PDE6A: variants seen among roughly 807,000 people sequenced by gnomAD.
PDE6A encodes rod cGMP-specific 3',5'-cyclic phosphodiesterase subunit alpha.
PDE6A carries 84 observed loss-of-function variants against 106.3 expected under a neutral mutation model. The ratio of observed to expected loss-of-function variants is 0.79; its 90% CI spans 0.66 to 0.95. The LOEUF is 0.95. Among genes scored for constraint, PDE6A ranks in the 40% least tolerant of loss-of-function variants. The pLI, the probability that PDE6A is intolerant of heterozygous loss-of-function variation, is 0.00. For missense variants in PDE6A, 1,052 were observed against 1,084.9 expected, an observed-to-expected ratio of 0.97 and a Z score of 0.43; for synonymous variants, 394 against 386.6, an observed-to-expected ratio of 1.02 and a Z score of -0.23.
At chr5:149,876,938 G>C (rs781721048) in intron 17 of PDE6A, among the ~76,000 whole-genome samples, 1 of 146,078 alleles carries the variant, frequency 6.8e-6, no homozygotes, top group African/African-American at 2.7e-5. Flanking sequence ...TAGATACATA[G>C]ATAGATAGAT....
chr5:149,887,981 T>C (rs1752379213), intron 13 of PDE6A, among the ~76,000 whole-genome samples: 1 of 152,086 alleles, frequency 6.6e-6, no homozygotes, highest in African/African-American at 2.4e-5. Context: ...TGTGTGTGTG[T>C]GTGTGTGTCT....
chr5:149,901,849 T>A (rs1454365225), intron 8 of PDE6A, among the ~76,000 whole-genome samples: 1 of 152,242 alleles, frequency 6.6e-6, no homozygotes, highest in Non-Finnish European at 1.5e-5. Context: ...AAAAAAGTAA[T>A]TCTGACTTTT....
At chr5:149,893,032 T>C (rs1436107022) in intron 13 of PDE6A, among the ~76,000 whole-genome samples, 1 of 152,186 alleles carries the variant, frequency 6.6e-6, no homozygotes, top group African/African-American at 2.4e-5. Flanking sequence ...TCTTCCACTT[T>C]TATAAACTCT....
intron 1 of PDE6A, among the ~76,000 whole-genome samples, chr5:149,943,459 C>T (rs1754372622): frequency 6.6e-6 from 1 of 152,078 alleles, no homozygotes; most frequent in Admixed American, 6.6e-5. Context: ...CTTTCTTTCC[C>T]CCACAGTGCA....
rs1554091222 is a variant in PDE6A, at chr5:149,920,996, A to AAGAG, written c.933+638_933+639insCTCT. On this transcript the variant is annotated intron_variant, in intron 5 of 21. Coordinates refer to ENST00000255266, the MANE Select transcript of PDE6A (RefSeq NM_000440.3). ...AAAGAAAGAAAGAAAGAAAGAAAGA[A>AAGAG]AAAGAAAGAAAATAGAAAACCTACG... 8.6e-3 allele frequency among the ~76,000 whole-genome samples: 787 copies of AAGAG among 91,604 alleles called. 14 individuals are homozygous for AAGAG. Among genetic ancestry groups the AAGAG allele is most frequent in the African/African-American group, 0.024 (740 of 31,042 alleles). The allele number at this position is 91,604 out of a possible 152,430, so 60.1% of individuals were successfully genotyped here.
At chr5:149,922,434 C>A (rs1050232183) in intron 4 of PDE6A, among the ~76,000 whole-genome samples, 8 of 152,078 alleles carry the variant, frequency 5.3e-5, no homozygotes, top group Non-Finnish European at 1.0e-4. Context: ...GGCTCAGCCT[C>A]CCAAGTAGCT....
intron 6 of PDE6A, 92 bp downstream of exon 6, chr5:149,914,851 A>C (rs915803137): frequency 3.5e-6 from 3 of 846,502 alleles, no homozygotes; most frequent in African/African-American, 3.3e-5. Context: ...TTATGGAATG[A>C]AGTGTTGCCC....
At chr5:149,926,932 C>T (rs1189967156) in intron 4 of PDE6A, among the ~76,000 whole-genome samples, 3 of 142,566 alleles carry the variant, frequency 2.1e-5, no homozygotes, top group Non-Finnish European at 4.5e-5. Context: ...GAGCTGAGAT[C>T]GTGCCATTGC....
intron 6 of PDE6A, 111 bp from the exon 7 acceptor site, chr5:149,907,489 C>CT (rs778528229): frequency 2.2e-4 from 173 of 798,018 alleles, no homozygotes; most frequent in Non-Finnish European, 3.4e-4. Context: ...TCAGCACCTG[C>CT]TTACATTCAC....
chr5:149,925,157 G>A (rs1165998060), intron 4 of PDE6A, among the ~76,000 whole-genome samples: 1 of 152,020 alleles, frequency 6.6e-6, no homozygotes, highest in African/African-American at 2.4e-5. Context: ...AAATAATAAA[G>A]CATGTAACAG....
At chr5:149,890,155 C>T in intron 13 of PDE6A, among the ~76,000 whole-genome samples, 1 of 151,910 alleles carries the variant, frequency 6.6e-6, no homozygotes, top group East Asian at 1.9e-4. Flanking sequence ...TGGGGTTTCA[C>T]CATGTTGGGC....
In PDE6A at chr5:149,884,526, G is replaced by T. The variant is rs751167138; in HGVS notation, c.1980C>A (p.His660Gln). Residue 660 changes from histidine to glutamine, a missense_variant, in exon 16 of 22, where the codon CAC (histidine) becomes CAA (glutamine). By Grantham distance (24) the His-to-Gln change is conservative. Coordinates refer to ENST00000255266, the MANE Select transcript of PDE6A (RefSeq NM_000440.3). ...LNRRQHEHAI[H>Q]MMDIAIIATD... ...TGGCAATGATTGCAATGTCCATCAT[G>T]TGGATGGCATGCTCATGCTGTCGAC... The T allele has an allele frequency of 1.9e-6, 3 of 1,613,856 alleles. No homozygotes were observed. Among genetic ancestry groups the T allele is most frequent in the Non-Finnish European group, 2.5e-6 (3 of 1,179,836 alleles).
chr5:149,920,942 A>AAAAGAAAGAAAAAG (rs1753688437), intron 5 of PDE6A, among the ~76,000 whole-genome samples: 5 of 108,282 alleles, frequency 4.6e-5, no homozygotes, highest in Admixed American at 3.1e-4. Flanking sequence ...GAAAGAGAGA[A>AAAAGAAAGAAAAAG]AAAGAAAGAA....
At position 149,904,839 on chromosome 5, in the gene PDE6A, C is replaced by T. The variant is rs1181669890; in HGVS notation, c.1066-1144G>A. Among the ~76,000 whole-genome samples, 3 of 152,272 alleles carry T rather than the reference C, an allele frequency of 2.0e-5. No individual in the cohort carries two copies. In the East Asian group the frequency reaches 5.8e-4, roughly 29 times the overall value. On this transcript the variant is annotated intron_variant, in intron 7 of 21. Transcript: ENST00000255266. ...TCTCCATCTGTGAGCATGCTGGTGT[C>T]TCTCTCATGCTTGAAAATGAAATCC... is the stretch of plus-strand genomic sequence containing the variant.
chr5:149,927,483 G>T (rs1048922838), intron 4 of PDE6A, among the ~76,000 whole-genome samples: 3 of 151,936 alleles, frequency 2.0e-5, no homozygotes, highest in Admixed American at 2.0e-4. Context: ...GCTCATCATA[G>T]CTCACTGCAG....
chr5:149,926,300 T>C (rs1284254143), intron 4 of PDE6A, among the ~76,000 whole-genome samples: 1 of 151,276 alleles, frequency 6.6e-6, no homozygotes, highest in Non-Finnish European at 1.5e-5. Context: ...AAATAGAGAA[T>C]CCAGAAACAG....
chr5:149,936,663 C>T (rs916235621), intron 1 of PDE6A, among the ~76,000 whole-genome samples: 1 of 152,208 alleles, frequency 6.6e-6, no homozygotes, highest in African/African-American at 2.4e-5. Flanking sequence ...TGATCATTAT[C>T]ATCCCTATAT....
intron 4 of PDE6A, 90 bp downstream of exon 4, chr5:149,930,938 C>A (rs978465121): frequency 7.7e-7 from 1 of 1,292,632 alleles, no homozygotes; most frequent in Admixed American, 1.7e-5. Flanking sequence ...CCTCTTCCCC[C>A]GTGCAATTGA....
intron 17 of PDE6A, among the ~76,000 whole-genome samples, chr5:149,871,656 G>A (rs1300343864): frequency 6.6e-6 from 1 of 152,200 alleles, no homozygotes; most frequent in Non-Finnish European, 1.5e-5. Flanking sequence ...AGGAGCAGGG[G>A]CGGCCCATGC....
Sources: gnomAD v4.1 joint callset for allele counts (sites outside exome capture counted in the v4.1 genomes callset) on GRCh38, gnomAD v4.1.1 for gene constraint, MANE v1.5 for transcripts, NCBI Gene and HGNC (gene_info 2026-07-23, HGNC 2026-07-21) for gene names.